ASTN2: variants seen among roughly 807,000 people sequenced by gnomAD.
ASTN2 encodes astrotactin-2.
In ASTN2, 54 loss-of-function variants were observed where a neutral mutation model predicts 139.8. The ratio of observed to expected loss-of-function variants is 0.39; its 90% CI spans 0.31 to 0.48. The LOEUF (loss-of-function observed/expected upper bound fraction) is 0.48. ASTN2 is among the 20% of genes least tolerant of loss of function. ASTN2 has a pLI of 0.95. For missense variants in ASTN2, 1,565 were observed against 1,725.1 expected, an observed-to-expected ratio of 0.91 and a Z score of 1.64; for synonymous variants, 756 against 719.5, an observed-to-expected ratio of 1.05 and a Z score of -0.81.
chr9:116,530,926 G>C (rs1375194440), intron 19 of ASTN2, among the ~76,000 whole-genome samples: 1 of 152,088 alleles, frequency 6.6e-6, no homozygotes, highest in African/African-American at 2.4e-5. Context: ...ACCTAGGACA[G>C]AGCATGACAT....
At chr9:116,757,093 T>G (rs1446074518) in intron 13 of ASTN2, among the ~76,000 whole-genome samples, 1 of 152,120 alleles carries the variant, frequency 6.6e-6, no homozygotes, top group African/African-American at 2.4e-5. Context: ...TTTTGAGGAC[T>G]CCTTTCCTCA....
chr9:117,253,745 A>G (rs1417982731), intron 2 of ASTN2, among the ~76,000 whole-genome samples: 1 of 152,178 alleles, frequency 6.6e-6, no homozygotes, highest in Non-Finnish European at 1.5e-5. Context: ...CAAAGCATCC[A>G]TGAAACAGGA....
At chr9:116,465,815 T>G (rs1285099180) in intron 20 of ASTN2, among the ~76,000 whole-genome samples, 1 of 152,048 alleles carries the variant, frequency 6.6e-6, no homozygotes, top group African/African-American at 2.4e-5. Flanking sequence ...AGGGGCAGAA[T>G]GGGGCTGAGA....
chr9:116,878,274 A>G (rs1410019799), intron 10 of ASTN2, among the ~76,000 whole-genome samples: 1 of 152,208 alleles, frequency 6.6e-6, no homozygotes, highest in Non-Finnish European at 1.5e-5. Flanking sequence ...TTGCAGCACT[A>G]TTCACAATAG....
At position 116,794,323 on chromosome 9, in the gene ASTN2, C is replaced by T. The variant is rs188889827; in HGVS notation, c.2396+11309G>A. On this transcript the variant is annotated intron_variant, in intron 13 of 22. Transcript: ENST00000313400. ...ATGTTGGTCAGGCTGGTCTCGAACT[C>T]CTGACCTCAGGTGATCCACCCACTT... is the stretch of plus-strand genomic sequence containing the variant. Among the ~76,000 whole-genome samples the T allele has an allele frequency of 3.1e-3, 477 of 152,152 alleles. 2 individuals are homozygous for T. Among genetic ancestry groups the T allele is most frequent in the African/African-American group, 0.011 (448 of 41,514 alleles).
At chr9:116,898,216 G>A (rs1271028583) in intron 10 of ASTN2, among the ~76,000 whole-genome samples, 1 of 151,900 alleles carries the variant, frequency 6.6e-6, no homozygotes, top group Admixed American at 6.6e-5. Context: ...AGACCACCCT[G>A]GGCAACATAG....
intron 19 of ASTN2, among the ~76,000 whole-genome samples, chr9:116,500,812 T>C (rs906809728): frequency 1.3e-5 from 2 of 152,222 alleles, no homozygotes; most frequent in Admixed American, 1.3e-4. Flanking sequence ...GCCTTGCGTA[T>C]GGTAAATAAT....
At position 116,487,445 on chromosome 9, in the gene ASTN2, T is replaced by C. The variant is rs777634484; in HGVS notation, c.3411A>G (p.Val1137=). 1.2e-6 allele frequency: 2 copies of C among 1,613,920 alleles called. No individual in the cohort carries two copies. Among genetic ancestry groups the C allele is most frequent in the Non-Finnish European group, 1.7e-6 (2 of 1,179,966 alleles). Residue 1137 remains valine (V), a synonymous_variant, in exon 20 of 23, where the codon GTA becomes GTG. Transcript: ENST00000313400. The part of the protein sequence containing the change: ...DLLSGLGTSC[V]AAGRSHGEVP... ...CCTCTCCATGGCTTCGACCAGCTGC[T>C]ACACAAGATGTGCCCAGGCCAGAGA...
At chr9:117,101,824 C>A (rs890960113) in intron 4 of ASTN2, among the ~76,000 whole-genome samples, 1 of 152,138 alleles carries the variant, frequency 6.6e-6, no homozygotes, top group African/African-American at 2.4e-5. Flanking sequence ...AAACCGAAAC[C>A]ATAGATATCA....
intron 2 of ASTN2, among the ~76,000 whole-genome samples, chr9:117,259,624 T>C (rs548223564): frequency 2.0e-5 from 3 of 152,176 alleles, no homozygotes; most frequent in Non-Finnish European, 2.9e-5. Flanking sequence ...TTTCAACCAA[T>C]TGCCAATCAG....
At chr9:117,221,272 A>G (rs77960551) in intron 2 of ASTN2, among the ~76,000 whole-genome samples, 2,468 of 152,308 alleles carry the variant, frequency 0.016, 62 homozygotes, top group African/African-American at 0.057. Context: ...GATAAAAAGT[A>G]TAAAGCACTT....
At chr9:116,803,501 T>TAG (rs1830931804) in intron 13 of ASTN2, among the ~76,000 whole-genome samples, 1 of 7,206 alleles carries the variant, frequency 1.4e-4, no homozygotes, top group Admixed American at 1.7e-3. Flanking sequence ...TATATATATA[T>TAG]ATATATATAT....
At chr9:116,971,261 G>A (rs1030566097) in intron 10 of ASTN2, among the ~76,000 whole-genome samples, 2 of 152,168 alleles carry the variant, frequency 1.3e-5, no homozygotes, top group African/African-American at 4.8e-5. Flanking sequence ...TTCCTGCTAG[G>A]ATAGGCTGGA....
At chr9:117,117,606 A>C (rs1829430138) in intron 4 of ASTN2, among the ~76,000 whole-genome samples, 1 of 152,188 alleles carries the variant, frequency 6.6e-6, no homozygotes, top group Non-Finnish European at 1.5e-5. Context: ...GGAATAAATC[A>C]AGAGGAGTTC....
chr9:117,270,177 G>T (rs1022320565), intron 2 of ASTN2, among the ~76,000 whole-genome samples: 1 of 152,042 alleles, frequency 6.6e-6, no homozygotes, highest in South Asian at 2.1e-4. Context: ...TTTTTATGGT[G>T]GTAAGAAAAC....
At chr9:116,614,549 AG>A (rs1379905711) in intron 19 of ASTN2, among the ~76,000 whole-genome samples, 1 of 152,182 alleles carries the variant, frequency 6.6e-6, no homozygotes. Context: ...AACACAATAG[AG>A]CCCCCGGAAA....
At chr9:116,835,289 C>G (rs1462423749) in intron 11 of ASTN2, among the ~76,000 whole-genome samples, 1 of 152,114 alleles carries the variant, frequency 6.6e-6, no homozygotes, top group African/African-American at 2.4e-5. Context: ...ACTTTCCAAT[C>G]TGGCTCTGGC....
intron 7 of ASTN2, among the ~76,000 whole-genome samples, chr9:117,003,530 G>GGTGTGTGT (rs11271769): frequency 0.14 from 13,978 of 103,262 alleles, 1,557 homozygotes; most frequent in East Asian, 0.15. Flanking sequence ...TCTAAAGAGT[G>GGTGTGTGT]GTGTGTGTGT....
At chr9:117,163,089 C>T (rs1168964181) in intron 3 of ASTN2, among the ~76,000 whole-genome samples, 1 of 152,042 alleles carries the variant, frequency 6.6e-6, no homozygotes, top group African/African-American at 2.4e-5. Flanking sequence ...GCTCCATCTA[C>T]ACGGAAGCCC....
Sources: gnomAD v4.1 joint callset for allele counts (sites outside exome capture counted in the v4.1 genomes callset) on GRCh38, gnomAD v4.1.1 for gene constraint, MANE v1.5 for transcripts, NCBI Gene and HGNC (gene_info 2026-07-23, HGNC 2026-07-21) for gene names.